The following ARHGEF7 variants were observed in gnomAD, a reference collection of about 807,000 sequenced individuals.
ARHGEF7 encodes Rho guanine nucleotide exchange factor 7, also known as PAK-interacting exchange factor beta.
In ARHGEF7, 33 loss-of-function variants were observed where a neutral mutation model predicts 109.8. The ratio of observed to expected loss-of-function variants is 0.30; its 90% CI spans 0.23 to 0.40. The LOEUF is 0.40. Among genes scored for constraint, ARHGEF7 ranks in the 10% least tolerant of loss-of-function variants. ARHGEF7 has a pLI of 1.00. For missense variants in ARHGEF7, 938 were observed against 1,098.5 expected (o/e 0.85, Z 2.07); for synonymous variants, 458 against 424.6 (o/e 1.08, Z -0.97).
At chr13:111,180,876 T>C (rs2078669550) in intron 2 of ARHGEF7, among the ~76,000 whole-genome samples, 1 of 152,222 alleles carries the variant, frequency 6.6e-6, no homozygotes, top group Admixed American at 6.5e-5. Context: ...ATATACATAA[T>C]CTGCATCATG....
chr13:111,162,723 C>T (rs2044477277), intron 2 of ARHGEF7, among the ~76,000 whole-genome samples: 1 of 152,168 alleles, frequency 6.6e-6, no homozygotes, highest in South Asian at 2.1e-4. Context: ...TACTGCTCTG[C>T]CTAATGCTCA....
At chr13:111,270,377 G>C (rs934864508) in intron 9 of ARHGEF7, among the ~76,000 whole-genome samples, 3 of 152,116 alleles carry the variant, frequency 2.0e-5, no homozygotes, top group Non-Finnish European at 2.9e-5. Flanking sequence ...TCTTTGGTCA[G>C]AGTAGCTGTA....
chr13:111,115,817 G>C (rs1018654771), intron 1 of ARHGEF7, 126 bp downstream of exon 1: 15 of 408,664 alleles, frequency 3.7e-5, no homozygotes, highest in African/African-American at 3.0e-4. Context: ...TGCGCGGAGC[G>C]GCGGCGCGGC....
intron 8 of ARHGEF7, chr13:111,265,336 T>A: frequency 8.5e-6 from 3 of 353,268 alleles, no homozygotes; most frequent in South Asian, 6.4e-5. Context: ...TGAGCCTCGG[T>A]TAACAGTTAC....
rs2090316825 is a variant in ARHGEF7, at chr13:111,255,490, A to T, written c.950+11196A>T. 6.6e-6 allele frequency among the ~76,000 whole-genome samples: 1 copy of T among 152,196 alleles called. No individual in the cohort carries two copies. Among genetic ancestry groups the T allele is most frequent in the African/African-American group, 2.4e-5 (1 of 41,442 alleles). ...TCTTGCGGAGGTAAAGTGGCCTGGT[A>T]CTTACGGAACCATCTGCAAATGCTC... On this transcript the variant is annotated intron_variant, in intron 8 of 21. Coordinates refer to ENST00000646102, the MANE Select transcript of ARHGEF7 (RefSeq NM_001354046.2). This position sits in a 1 kb window ranked among gnomAD's most constrained non-coding sequence, Gnocchi z 4.1.
At chr13:111,141,632 A>T (rs76396360) in intron 1 of ARHGEF7, among the ~76,000 whole-genome samples, 74 of 146,290 alleles carry the variant, frequency 5.1e-4, no homozygotes, top group African/African-American at 1.7e-3. Flanking sequence ...GTTCCTCCAT[A>T]TTTTTTTTTT....
intron 4 of ARHGEF7, among the ~76,000 whole-genome samples, chr13:111,217,248 A>G (rs2083259436): frequency 6.6e-6 from 1 of 152,242 alleles, no homozygotes; most frequent in Non-Finnish European, 1.5e-5. Context: ...CTGGAAATAT[A>G]CTGGAAATAA....
chr13:111,116,977 T>G (rs190647803), intron 1 of ARHGEF7, among the ~76,000 whole-genome samples: 2 of 152,334 alleles, frequency 1.3e-5, no homozygotes, highest in Admixed American at 1.3e-4. Flanking sequence ...GATGTCACAG[T>G]GAAATTATGA....
chr13:111,291,609 C>T (rs1161997875), intron 18 of ARHGEF7, among the ~76,000 whole-genome samples: 7 of 152,198 alleles, frequency 4.6e-5, no homozygotes, highest in Non-Finnish European at 8.8e-5. Context: ...TGAAAAAGCC[C>T]GTCAGAATTC....
At position 111,217,894 on chromosome 13, in the gene ARHGEF7, C is replaced by A; in HGVS notation, c.670+14C>A. On this transcript the variant is annotated intron_variant, in intron 5 of 21. Coordinates refer to ENST00000646102, the MANE Select transcript of ARHGEF7 (RefSeq NM_001354046.2). ...TCAAGGCCAGCGGTAAGTGGCCGAGCCTGGGCTGTGTGTGGCTTTTTGCGA... is the reference window on the plus strand; with the variant it reads ...TCAAGGCCAGCGGTAAGTGGCCGAGACTGGGCTGTGTGTGGCTTTTTGCGA... The A allele has an allele frequency of 1.3e-6, 2 of 1,598,986 alleles. No homozygotes were observed. Among genetic ancestry groups the A allele is most frequent in the Non-Finnish European group, 1.7e-6 (2 of 1,169,664 alleles).
chr13:111,221,311 CTA>C (rs1447793618), intron 5 of ARHGEF7, among the ~76,000 whole-genome samples: 6 of 19,624 alleles, frequency 3.1e-4, no homozygotes, highest in African/African-American at 3.6e-4. Context: ...CTATATATAT[CTA>C]TATATAGATA....
At chr13:111,268,860 A>C (rs75196384) in intron 9 of ARHGEF7, among the ~76,000 whole-genome samples, 2 of 152,068 alleles carry the variant, frequency 1.3e-5, no homozygotes, top group Non-Finnish European at 2.9e-5. Context: ...TTCATTTTTT[A>C]ATTTTTTTAT....
intron 4 of ARHGEF7, among the ~76,000 whole-genome samples, chr13:111,210,358 A>G (rs905473402): frequency 1.3e-5 from 2 of 152,238 alleles, no homozygotes; most frequent in Non-Finnish European, 2.9e-5. Context: ...TATGTATGGA[A>G]AAGTACTCAG....
chr13:111,229,356 T>G (rs142042910), intron 5 of ARHGEF7, among the ~76,000 whole-genome samples: 30 of 152,346 alleles, frequency 2.0e-4, no homozygotes, highest in African/African-American at 7.0e-4. Flanking sequence ...TCTATTCCTC[T>G]GCCTGTCAGT....
intron 2 of ARHGEF7, among the ~76,000 whole-genome samples, chr13:111,162,546 C>T (rs568463920): frequency 2.0e-5 from 3 of 152,298 alleles, no homozygotes; most frequent in Admixed American, 1.3e-4. Flanking sequence ...TTTTCATTTT[C>T]TCACTTTACA....
intron 14 of ARHGEF7, 28 bp from the exon 15 acceptor site, chr13:111,280,510 C>T (rs376281943): frequency 6.3e-6 from 10 of 1,575,756 alleles, no homozygotes; most frequent in Middle Eastern, 1.7e-4. Context: ...TGTTTCCACT[C>T]GGCCTATTTT....
chr13:111,206,976 GA>G (rs1422580196), intron 3 of ARHGEF7, among the ~76,000 whole-genome samples: 14 of 93,080 alleles, frequency 1.5e-4, no homozygotes, highest in Admixed American at 4.4e-4. Flanking sequence ...AAAAAAAAAA[GA>G]AAAAGAAAAA....
intron 2 of ARHGEF7, among the ~76,000 whole-genome samples, chr13:111,190,353 C>T (rs980753057): frequency 9.9e-5 from 15 of 151,876 alleles, no homozygotes; most frequent in African/African-American, 2.4e-4. Flanking sequence ...CCGTAAACAC[C>T]GGGCAGCATC....
intron 3 of ARHGEF7, 73 bp from the exon 4 acceptor site, chr13:111,209,799 G>A (rs2082281547): frequency 6.5e-7 from 1 of 1,541,434 alleles, no homozygotes; most frequent in Non-Finnish European, 8.8e-7. Flanking sequence ...TAGTTTTAAA[G>A]TCTAGTGTGT....
Sources: allele counts gnomAD v4.1 joint callset (sites outside exome capture counted in the v4.1 genomes callset), GRCh38; gene constraint gnomAD v4.1.1; non-coding constraint Gnocchi (gnomAD v3.1); transcripts MANE v1.5; gene names NCBI Gene and HGNC (gene_info 2026-07-23, HGNC 2026-07-21).